Variants in NKAIN1 observed in about 807,000 individuals in gnomAD.
The protein encoded by NKAIN1 is sodium/potassium transporting ATPase interacting 1.
In NKAIN1, 13 loss-of-function variants were observed where a neutral mutation model predicts 31.6. The ratio of observed to expected loss-of-function variants is 0.41; its 90% confidence interval spans 0.27 to 0.65. The LOEUF (loss-of-function observed/expected upper bound fraction) is 0.65, where lower values mean the gene tolerates loss of function less well. Ranked by LOEUF, NKAIN1 falls within the 30% of genes least tolerant of loss-of-function variation. The probability of loss-of-function intolerance (pLI) is 0.30; values close to 1 mark genes in which losing one functional copy is unlikely to be tolerated. For missense variants in NKAIN1, 193 were observed against 262.2 expected, an observed-to-expected ratio of 0.74 and a Z score of 1.82; for synonymous variants, 104 against 109.0, an observed-to-expected ratio of 0.95 and a Z score of 0.28.
intron 1 of NKAIN1, among the ~76,000 whole-genome samples, chr1:31,221,181 G>C (rs190146221): frequency 6.6e-6 from 1 of 152,136 alleles, no homozygotes; most frequent in Non-Finnish European, 1.5e-5. Context: ...AATGGCAAAG[G>C]CTCTGAGGTG....
rs148140202 is a variant in NKAIN1, at chr1:31,212,687, G to A, written c.55-24500C>T. 3.8e-4 allele frequency among the ~76,000 whole-genome samples: 57 copies of A among 151,774 alleles called. 1 individual carries two copies. In the East Asian group the frequency reaches 0.011, roughly 29 times the overall value. On this transcript the variant is annotated intron_variant, in intron 1 of 6. Transcript: ENST00000373736. ...CCCGAAACTTTTGAATTACAGACGTGAGCCACCGCACCCAGCCATAAAAAT... is the reference window on the plus strand; with the variant it reads ...CCCGAAACTTTTGAATTACAGACGTAAGCCACCGCACCCAGCCATAAAAAT...
chr1:31,216,106 C>CT (rs1645509706), intron 1 of NKAIN1, among the ~76,000 whole-genome samples: 1 of 151,372 alleles, frequency 6.6e-6, no homozygotes, highest in African/African-American at 2.4e-5. Context: ...TTCTCTCCCT[C>CT]TATCTCGCAG....
In NKAIN1 at chr1:31,197,960, C is replaced by T. The variant is rs555546902; in HGVS notation, c.55-9773G>A. Among the ~76,000 whole-genome samples the T allele has an allele frequency of 2.6e-5, 4 of 152,296 alleles. No homozygotes were observed. The East Asian group carries it at 7.7e-4, about 29-fold the overall frequency. Reference sequence around the variant, plus strand: ...CAGCCTTGAACTCCTTGGCTCAATCCTCCCACCTCAGCCTCCTGAGTAGCT... The same window carrying T: ...CAGCCTTGAACTCCTTGGCTCAATCTTCCCACCTCAGCCTCCTGAGTAGCT... On this transcript the variant is annotated intron_variant, in intron 1 of 6. Coordinates refer to ENST00000373736, the MANE Select transcript of NKAIN1 (RefSeq NM_024522.3).
intron 1 of NKAIN1, among the ~76,000 whole-genome samples, chr1:31,215,593 T>C (rs557922132): frequency 6.6e-6 from 1 of 152,252 alleles, no homozygotes; most frequent in South Asian, 2.1e-4. Context: ...CCTGCTCTGA[T>C]TCCTGCAGCA....
chr1:31,200,296 A>T (rs1244251150), intron 1 of NKAIN1, among the ~76,000 whole-genome samples: 1 of 152,242 alleles, frequency 6.6e-6, no homozygotes, highest in African/African-American at 2.4e-5. Flanking sequence ...GTGCGACTGT[A>T]AACACAGGAC....
At chr1:31,197,506 A>G (rs1398567801) in intron 1 of NKAIN1, among the ~76,000 whole-genome samples, 1 of 147,434 alleles carries the variant, frequency 6.8e-6, no homozygotes, top group African/African-American at 2.5e-5. Flanking sequence ...TTGGCCTCCC[A>G]AAGTGCTGGG....
chr1:31,235,063 A>G (rs926216562), intron 1 of NKAIN1, among the ~76,000 whole-genome samples: 16 of 152,218 alleles, frequency 1.1e-4, no homozygotes, highest in African/African-American at 2.9e-4. Flanking sequence ...GCACTTTGCC[A>G]AGCACTTTAC....
At chr1:31,202,503 C>T (rs1269379155) in intron 1 of NKAIN1, among the ~76,000 whole-genome samples, 1 of 149,920 alleles carries the variant, frequency 6.7e-6, no homozygotes, top group African/African-American at 2.5e-5. Flanking sequence ...CGGTGAAACC[C>T]CATCTCTACT....
intron 1 of NKAIN1, among the ~76,000 whole-genome samples, chr1:31,220,957 A>G (rs539933609): frequency 6.6e-6 from 1 of 152,210 alleles, no homozygotes; most frequent in South Asian, 2.1e-4. Context: ...AGGAGCTCCC[A>G]GTCCAGGGAG....
chr1:31,219,631 G>A (rs1645546724), intron 1 of NKAIN1, among the ~76,000 whole-genome samples: 3 of 152,376 alleles, frequency 2.0e-5, no homozygotes, highest in South Asian at 4.1e-4. Flanking sequence ...CAGGTCCCCT[G>A]TAGCGGGGCT....
intron 2 of NKAIN1, among the ~76,000 whole-genome samples, chr1:31,187,486 C>A (rs1419588192): frequency 1.3e-5 from 2 of 152,066 alleles, no homozygotes; most frequent in East Asian, 3.9e-4. Flanking sequence ...GTACATCGGG[C>A]AAGAGAGACA....
At chr1:31,195,874 G>C (rs1345054911) in intron 1 of NKAIN1, among the ~76,000 whole-genome samples, 2 of 134,832 alleles carry the variant, frequency 1.5e-5, no homozygotes, top group African/African-American at 5.6e-5. Context: ...ACAGTGAGCT[G>C]TGATAGCCTA....
At chr1:31,191,526 TATAA>T (rs893286836) in intron 1 of NKAIN1, among the ~76,000 whole-genome samples, 5 of 151,578 alleles carry the variant, frequency 3.3e-5, no homozygotes, top group African/African-American at 4.8e-5. Flanking sequence ...TTTCTTCAAC[TATAA>T]ATAGAGAAGA....
chr1:31,188,029 A>G, intron 2 of NKAIN1, 21 bp downstream of exon 2: 1 of 1,549,276 alleles, frequency 6.5e-7, no homozygotes. Context: ...TTGGCTTGGG[A>G]AGGGGCTAGG....
intron 1 of NKAIN1, among the ~76,000 whole-genome samples, chr1:31,235,814 A>C (rs530615191): frequency 2.4e-4 from 37 of 152,310 alleles, no homozygotes; most frequent in African/African-American, 8.7e-4. Flanking sequence ...TGTCAGAAGC[A>C]GAGCCAGGCT....
intron 4 of NKAIN1, among the ~76,000 whole-genome samples, chr1:31,183,147 G>A (rs1251405011): frequency 6.6e-6 from 1 of 152,058 alleles, no homozygotes; most frequent in Non-Finnish European, 1.5e-5. Context: ...GAGGCATCAC[G>A]CCCACTGGGG....
intron 1 of NKAIN1, among the ~76,000 whole-genome samples, chr1:31,190,100 A>T (rs757043351): frequency 6.6e-6 from 1 of 152,204 alleles, no homozygotes; most frequent in Non-Finnish European, 1.5e-5. Context: ...AGGAGAGAAG[A>T]GGGTCTGGCT....
chr1:31,226,110 A>G (rs1645601976), intron 1 of NKAIN1, among the ~76,000 whole-genome samples: 1 of 152,256 alleles, frequency 6.6e-6, no homozygotes, highest in African/African-American at 2.4e-5. Flanking sequence ...GTTATTGCTA[A>G]CATTGCCAAC....
At chr1:31,218,074 T>TCTTTCTTTCTTTCTCTTTCTTTC (rs1570472285) in intron 1 of NKAIN1, among the ~76,000 whole-genome samples, 2 of 148,280 alleles carry the variant, frequency 1.3e-5, no homozygotes, top group African/African-American at 5.1e-5. Context: ...CTTTCTTTTT[T>TCTTTCTTTCTTTCTCTTTCTTTC]TTTTTTGAGA....
Sources: allele counts gnomAD v4.1 joint callset (sites outside exome capture counted in the v4.1 genomes callset), GRCh38; gene constraint gnomAD v4.1.1; transcripts MANE v1.5; gene names NCBI Gene and HGNC (gene_info 2026-07-23, HGNC 2026-07-21).